The following NFASC variants were observed in gnomAD, a reference collection of about 807,000 sequenced individuals.
NFASC encodes neurofascin homolog.
In NFASC, 43 loss-of-function variants were observed where a neutral mutation model predicts 147.5. That is an observed-to-expected ratio of 0.29 (90% CI 0.23 to 0.38). The LOEUF (loss-of-function observed/expected upper bound fraction) is 0.38, where lower values mean the gene tolerates loss of function less well. Ranked by LOEUF, NFASC falls within the 10% of genes least tolerant of loss-of-function variation. NFASC has a pLI of 1.00. For missense variants in NFASC, 1,320 were observed against 1,689.0 expected (o/e 0.78, Z 3.83); for synonymous variants, 622 against 665.5 (o/e 0.93, Z 1.01).
chr1:204,941,821 G>A (rs1287252681), intron 2 of NFASC, among the ~76,000 whole-genome samples: 1 of 152,158 alleles, frequency 6.6e-6, no homozygotes, highest in Non-Finnish European at 1.5e-5. Flanking sequence ...CCTCTCCAGA[G>A]AGCACCGTCT....
chr1:204,940,634 T>C (rs2093297446), intron 2 of NFASC, among the ~76,000 whole-genome samples: 1 of 152,240 alleles, frequency 6.6e-6, no homozygotes, highest in South Asian at 2.1e-4. Context: ...CAATCTGTGT[T>C]TTGTCTCAGT....
At chr1:204,854,364 C>T (rs2075972726) in intron 1 of NFASC, among the ~76,000 whole-genome samples, 1 of 152,064 alleles carries the variant, frequency 6.6e-6, no homozygotes, top group Non-Finnish European at 1.5e-5. Flanking sequence ...AGACATAGAC[C>T]CCGGTTGCGT....
chr1:204,944,451 GCAGA>G, intron 3 of NFASC, 45 bp downstream of exon 3: 6 of 586,488 alleles, frequency 1.0e-5, no homozygotes, highest in East Asian at 1.0e-4. Flanking sequence ...CTGATTTTGG[GCAGA>G]GGGGTGGGAG....
intron 1 of NFASC, among the ~76,000 whole-genome samples, chr1:204,875,696 G>C (rs2078644755): frequency 6.6e-6 from 1 of 152,128 alleles, no homozygotes; most frequent in East Asian, 1.9e-4. Context: ...CAGGTCCCCT[G>C]CTGTGGGTTC....
Position 204,974,686 on chromosome 1 carries a change from A to G in NFASC, c.1421A>G (p.Asp474Gly). 1 of 1,614,226 alleles carries G rather than the reference A, an allele frequency of 6.2e-7. No individual in the cohort carries two copies. The highest frequency in any genetic ancestry group is 8.5e-7 in the Non-Finnish European group (1 of 1,180,044). ...AAGAATGGGCAAGGAAGCAACCTGG[A>G]TGGTGGCAACTACCATGTTTATGAG... Reference protein sequence around the residue: ...WFKNGQGSNLDGGNYHVYENG... With the variant: ...WFKNGQGSNLGGGNYHVYENG... The change falls in exon 14 of 30, where the codon GAT (aspartate) becomes GGT (glycine). Residue 474 changes from aspartate to glycine, a missense_variant. Asp to Gly is a moderately conservative substitution (Grantham distance 94). Coordinates refer to ENST00000339876, the MANE Select transcript of NFASC (RefSeq NM_001005388.3).
In NFASC at chr1:204,927,191, C is replaced by T. The variant is rs151039791; in HGVS notation, c.-91+6451C>T. 3.1e-3 allele frequency among the ~76,000 whole-genome samples: 470 copies of T among 152,264 alleles called. 11 individuals are homozygous for T. The highest frequency in any genetic ancestry group is 0.01 in the South Asian group (49 of 4,818). On this transcript the variant is annotated intron_variant, in intron 2 of 29. Transcript: ENST00000339876. ...GGATTTTAGGACATTTTTATCGCCA[C>T]TCCCAGCCCCCGCAAGAATCTATGC...
At position 204,944,269 on chromosome 1, in the gene NFASC, C is replaced by T. The variant is rs368003381; in HGVS notation, c.-47C>T. The stretch of plus-strand genomic sequence containing the variant: ...GCCCAGTTAAAGCGGCTCGAGGTGA[C>T]AAGACCCCGAGTGCTGGGGAGCAGG... On this transcript the variant is annotated 5_prime_UTR_variant, in exon 3 of 30. Coordinates refer to ENST00000339876, the MANE Select transcript of NFASC (RefSeq NM_001005388.3). 3 of 1,602,024 alleles carry T rather than the reference C, an allele frequency of 1.9e-6. No individual in the cohort carries two copies. Among genetic ancestry groups the T allele is most frequent in the Non-Finnish European group, 1.7e-6 (2 of 1,175,020 alleles).
At chr1:204,907,515 A>T (rs1252166792) in intron 1 of NFASC, among the ~76,000 whole-genome samples, 1 of 152,182 alleles carries the variant, frequency 6.6e-6, no homozygotes, top group African/African-American at 2.4e-5. Flanking sequence ...CTTCAGATGC[A>T]TGTTCGACCC....
At chr1:204,857,283 C>T (rs1251662914) in intron 1 of NFASC, among the ~76,000 whole-genome samples, 2 of 152,236 alleles carry the variant, frequency 1.3e-5, no homozygotes, top group African/African-American at 4.8e-5. Flanking sequence ...CCCAAAATCC[C>T]ACCCAGCTTG....
In NFASC at chr1:205,021,346, C is replaced by T. The variant is rs2096399469; in HGVS notation, c.*4807C>T. 1 of 152,568 alleles carries T rather than the reference C, an allele frequency of 6.6e-6. No homozygotes were observed. Among genetic ancestry groups the T allele is most frequent in the African/African-American group, 2.4e-5 (1 of 41,436 alleles). The allele number at this position is 152,568 out of a possible 1,614,324, so 9.5% of individuals were successfully genotyped here. A position where few individuals can be genotyped will look rare whatever the true frequency, so the allele number is the denominator to read the frequency against. ...ATCCAGGAGAGCCACAAGCGTCCAC[C>T]AAACAGTGTCTCAGGCCTCACCTGA... On this transcript the variant is annotated 3_prime_UTR_variant, in exon 30 of 30. Transcript: ENST00000339876.
At chr1:204,976,433 G>T (rs539662795) in intron 15 of NFASC, among the ~76,000 whole-genome samples, 2 of 152,192 alleles carry the variant, frequency 1.3e-5, no homozygotes, top group African/African-American at 4.8e-5. Flanking sequence ...GGTGGCAAAC[G>T]TGCTTCACAG....
Position 204,968,722 on chromosome 1 carries a change from G to C in NFASC, c.819-76G>C. ...CCCAAGTATACTTTTAGGCCACCTG[G>C]GTGTCCCCAGCTGTATAGAAGAGGA... On this transcript the variant is annotated intron_variant, in intron 9 of 29. Coordinates refer to ENST00000339876, the MANE Select transcript of NFASC (RefSeq NM_001005388.3). The surrounding 1 kb of genome is among the most constrained non-coding windows in gnomAD (Gnocchi z 5.4). The C allele has an allele frequency of 7.3e-7, 1 of 1,379,052 alleles. No homozygotes were observed. The allele number at this position is 1,379,052 out of a possible 1,614,324, so 85.4% of individuals were successfully genotyped here. A position where few individuals can be genotyped will look rare whatever the true frequency, so the allele number is the denominator to read the frequency against.
chr1:204,893,304 C>T (rs753826173), intron 1 of NFASC, among the ~76,000 whole-genome samples: 3 of 152,062 alleles, frequency 2.0e-5, no homozygotes, highest in Non-Finnish European at 2.9e-5. Context: ...AGTTACTGAA[C>T]AGCTGAAAAT....
chr1:204,990,524 T>C (rs182883255), intron 23 of NFASC: 1 of 148,428 alleles, frequency 6.7e-6, no homozygotes, highest in African/African-American at 2.5e-5. Context: ...ACTTAGGGCT[T>C]TGCAGAAAAT....
At chr1:204,966,673 A>G (rs377207435) in intron 8 of NFASC, among the ~76,000 whole-genome samples, 1 of 152,214 alleles carries the variant, frequency 6.6e-6, no homozygotes, top group African/African-American at 2.4e-5. Context: ...CTGGTGGGAC[A>G]GATGAGGCAT....
At chr1:204,967,603 T>G (rs1209881199) in intron 8 of NFASC, among the ~76,000 whole-genome samples, 2 of 150,312 alleles carry the variant, frequency 1.3e-5, no homozygotes, top group African/African-American at 4.9e-5. Context: ...ATTACTACTC[T>G]CCTCCCCAGC....
chr1:204,949,715 A>G (rs925823575), intron 3 of NFASC, among the ~76,000 whole-genome samples: 2 of 152,172 alleles, frequency 1.3e-5, no homozygotes, highest in Non-Finnish European at 1.5e-5. Context: ...CCCCAGCCCA[A>G]CTGAATCAGA....
intron 1 of NFASC, among the ~76,000 whole-genome samples, chr1:204,851,575 G>A (rs1166857061): frequency 1.3e-5 from 2 of 151,636 alleles, no homozygotes; most frequent in East Asian, 1.9e-4. Context: ...TCAAGTGATC[G>A]GCCCACCTCA....
Position 204,976,708 on chromosome 1 carries a change from G to C in NFASC, c.1744G>C (p.Val582Leu), listed in dbSNP as rs755831043. ...AGACGACTCCCTGACCATCTTTGGG[G>C]TGGCAGAGCGGGACCAGGGCAGTTA... The part of the protein sequence containing the change: ...KEDDSLTIFG[V>L]AERDQGSYTC... Residue 582 changes from valine (V) to leucine (L), a missense_variant, in exon 16 of 30, where the codon GTG becomes CTG. Physicochemically the swap from Val to Leu is conservative, Grantham distance 32. Around this residue, in one of 3 missense-constraint regions of NFASC, gnomAD observed 981 missense variants for 1,289.5 expected, o/e 0.76. Coordinates refer to ENST00000339876, the MANE Select transcript of NFASC (RefSeq NM_001005388.3). 3 of 1,614,028 alleles carry C rather than the reference G, an allele frequency of 1.9e-6. No homozygotes were observed. The highest frequency in any genetic ancestry group is 2.5e-6 in the Non-Finnish European group (3 of 1,179,944).
Sources: gnomAD v4.1 joint callset for allele counts (sites outside exome capture counted in the v4.1 genomes callset) on GRCh38, gnomAD v4.1.1 for gene constraint, gnomAD v4.1.1 regional missense constraint, Gnocchi (gnomAD v3.1) non-coding constraint, MANE v1.5 for transcripts, NCBI Gene and HGNC (gene_info 2026-07-23, HGNC 2026-07-21) for gene names.